KCTD5: variants seen among roughly 807,000 people sequenced by gnomAD.
KCTD5 encodes BTB/POZ domain-containing protein KCTD5.
A neutral mutation model predicts 27.9 loss-of-function variants in KCTD5; 12 were observed. The observed-to-expected ratio is 0.43, with a 90% CI of 0.28 to 0.70. The LOEUF (loss-of-function observed/expected upper bound fraction) is 0.70, where lower values mean the gene tolerates loss of function less well. Among genes scored for constraint, KCTD5 ranks in the 30% least tolerant of loss-of-function variants. The probability of loss-of-function intolerance (pLI) is 0.19; values close to 1 mark genes in which losing one functional copy is unlikely to be tolerated. For missense variants in KCTD5, 226 were observed against 274.8 expected, an observed-to-expected ratio of 0.82 and a Z score of 1.26; for synonymous variants, 147 against 121.4, an observed-to-expected ratio of 1.21 and a Z score of -1.39.
intron 5 of KCTD5, among the ~76,000 whole-genome samples, chr16:2,705,156 C>T (rs923445883): frequency 6.6e-6 from 1 of 152,238 alleles, no homozygotes; most frequent in Non-Finnish European, 1.5e-5. Flanking sequence ...GGACCAGGGG[C>T]ACCCAGGGAG....
At chr16:2,690,807 C>T (rs2067563120) in intron 1 of KCTD5, among the ~76,000 whole-genome samples, 1 of 152,268 alleles carries the variant, frequency 6.6e-6, no homozygotes, top group South Asian at 2.1e-4. Context: ...CTGTTCTAAA[C>T]CTCCCCGAGG....
intron 2 of KCTD5, among the ~76,000 whole-genome samples, chr16:2,696,894 T>C (rs1424075330): frequency 6.6e-6 from 1 of 152,252 alleles, no homozygotes; most frequent in Non-Finnish European, 1.5e-5. Context: ...CTCTCTCTGG[T>C]CGCTTGGGCA....
At position 2,708,706 on chromosome 16, in the gene KCTD5, A is replaced by C. The variant is rs1470499308; in HGVS notation, c.*1379A>C. On this transcript the variant is annotated 3_prime_UTR_variant, in exon 6 of 6. Coordinates refer to ENST00000301738, the MANE Select transcript of KCTD5 (RefSeq NM_018992.4). ...TTGTAAGGTCTCTTGTATGTTGTTAAATGTTTGGCTTAAACAATTTATAAA... is the reference window on the plus strand; with the variant it reads ...TTGTAAGGTCTCTTGTATGTTGTTACATGTTTGGCTTAAACAATTTATAAA... The C allele has an allele frequency of 6.6e-6, 1 of 152,190 alleles. No individual in the cohort carries two copies. Among genetic ancestry groups the C allele is most frequent in the Non-Finnish European group, 1.5e-5 (1 of 68,032 alleles). 9.4% of individuals were successfully genotyped at this position (152,190 alleles called of 1,614,324 possible).
chr16:2,705,564 G>A lies in KCTD5; in HGVS notation c.676-1734G>A, dbSNP rs183088896. On this transcript the variant is annotated intron_variant, in intron 5 of 5. Coordinates refer to ENST00000301738, the MANE Select transcript of KCTD5 (RefSeq NM_018992.4). ...AGGGCCAAGGGGTCAGGACCAGTGCGGCAGACAGCAGACCCCTATCTCAGC... is the reference window on the plus strand; with the variant it reads ...AGGGCCAAGGGGTCAGGACCAGTGCAGCAGACAGCAGACCCCTATCTCAGC... Among the ~76,000 whole-genome samples the A allele has an allele frequency of 2.6e-4, 40 of 152,244 alleles. No homozygotes were observed. The East Asian group carries it at 3.5e-3, about 13-fold the overall frequency.
chr16:2,682,626 C>G lies in KCTD5; in HGVS notation c.78C>G (p.Arg26=), dbSNP rs779415409. 1.9e-6 allele frequency: 3 copies of G among 1,562,198 alleles called. No homozygotes were observed. In the South Asian group the frequency reaches 3.5e-5, roughly 18 times the overall value. The part of the protein sequence containing the change: ...IGAGLGGGLC[R]RCSAGLGALA... ...CGGGGCTGGGGGGCGGCCTGTGCCG[C>G]CGCTGCAGCGCTGGGCTCGGCGCCC... Residue 26 remains arginine (R), a synonymous_variant, in exon 1 of 6, where the codon CGC becomes CGG. Transcript: ENST00000301738.
chr16:2,682,650 C>A lies in KCTD5; in HGVS notation c.102C>A (p.Ala34=). Residue 34 remains alanine, a synonymous_variant, in exon 1 of 6, where the codon GCC becomes GCA. Coordinates refer to ENST00000301738, the MANE Select transcript of KCTD5 (RefSeq NM_018992.4). ...GCCGCTGCAGCGCTGGGCTCGGCGC[C>A]CTGGCCCAGCGCCCTGGCAGCGTGT... The part of the protein sequence containing the change: ...LCRRCSAGLG[A]LAQRPGSVSK... 1.9e-6 allele frequency: 3 copies of A among 1,594,530 alleles called. No individual in the cohort carries two copies. The highest frequency in any genetic ancestry group is 2.6e-6 in the Non-Finnish European group (3 of 1,172,570).
intron 5 of KCTD5, among the ~76,000 whole-genome samples, chr16:2,704,790 G>T (rs2067627817): frequency 6.6e-6 from 1 of 152,210 alleles, no homozygotes; most frequent in African/African-American, 2.4e-5. Context: ...GGCCAATGCA[G>T]TGGGGTCCAC....
intron 4 of KCTD5, among the ~76,000 whole-genome samples, chr16:2,701,476 G>A (rs1484048842): frequency 1.3e-5 from 2 of 152,300 alleles, no homozygotes; most frequent in South Asian, 2.1e-4. Context: ...GGGCATGGCC[G>A]TGAGTGCTCC....
chr16:2,687,347 G>A (rs918926991), intron 1 of KCTD5, among the ~76,000 whole-genome samples: 6 of 152,190 alleles, frequency 3.9e-5, no homozygotes, highest in African/African-American at 1.4e-4. Context: ...CGCGGTCTTC[G>A]GCATTCTCGC....
In KCTD5 at chr16:2,698,396, T is replaced by C. The variant is rs72768746; in HGVS notation, c.453+399T>C. ...GGAGGGAGACAGCAGATGGGTCGTG[T>C]GGGTCTGCGCAGGCGCCAGAAGGAC... On this transcript the variant is annotated intron_variant, in intron 3 of 5. Coordinates refer to ENST00000301738, the MANE Select transcript of KCTD5 (RefSeq NM_018992.4). 3.2e-3 allele frequency among the ~76,000 whole-genome samples: 482 copies of C among 152,330 alleles called. 2 individuals carry two copies. The highest frequency in any genetic ancestry group is 5.5e-3 in the Non-Finnish European group (371 of 68,032).
rs377197615 is a variant in KCTD5 at position 2,702,496 on chromosome 16, C to T, written c.675+18C>T. 2 of 1,611,868 alleles carry T rather than the reference C, an allele frequency of 1.2e-6. No homozygotes were observed. The highest frequency in any genetic ancestry group is 1.7e-6 in the Non-Finnish European group (2 of 1,179,342). ...AGGCCAAGGTGAGTGCTGGGCCGGC[C>T]CTGGCCTGGGGCAGTCTTGGGTGGG... is the stretch of plus-strand genomic sequence containing the variant. On this transcript the variant is annotated intron_variant, in intron 5 of 5. Transcript: ENST00000301738.
At chr16:2,695,385 T>C (rs575291122) in intron 1 of KCTD5, among the ~76,000 whole-genome samples, 1,901 of 123,826 alleles carry the variant, frequency 0.015, 132 homozygotes, top group African/African-American at 0.047. Context: ...CCCTCGCTGC[T>C]GGCTCCCGGC....
At position 2,707,439 on chromosome 16, in the gene KCTD5, T is replaced by C; in HGVS notation, c.*112T>C. The stretch of plus-strand genomic sequence containing the variant: ...AGAAACCTGCTTTTGATCATTTTTC[T>C]AGAGATCTGGGTGTGAATCCTTTTT... On this transcript the variant is annotated 3_prime_UTR_variant, in exon 6 of 6. Coordinates refer to ENST00000301738, the MANE Select transcript of KCTD5 (RefSeq NM_018992.4). 1 of 1,134,172 alleles carries C rather than the reference T, an allele frequency of 8.8e-7. No homozygotes were observed. The highest frequency in any genetic ancestry group is 1.3e-6 in the Non-Finnish European group (1 of 746,548). The allele number at this position is 1,134,172 out of a possible 1,614,324, so 70.3% of individuals were successfully genotyped here.
Position 2,696,706 on chromosome 16 carries a change from G to A in KCTD5, c.361+663G>A, listed in dbSNP as rs561775191. On this transcript the variant is annotated intron_variant, in intron 2 of 5. Transcript: ENST00000301738. The stretch of plus-strand genomic sequence containing the variant: ...CGTGTCTGCGCATCGGTCTGCACTG[G>A]GCAGCGTCTGACTCCGTTTCTGTTC... 4.5e-4 allele frequency among the ~76,000 whole-genome samples: 69 copies of A among 152,326 alleles called. 1 individual carries two copies. In the South Asian group the frequency reaches 0.013, roughly 29 times the overall value.
At chr16:2,688,200 T>C (rs564014097) in intron 1 of KCTD5, among the ~76,000 whole-genome samples, 1 of 146,700 alleles carries the variant, frequency 6.8e-6, no homozygotes, top group South Asian at 2.1e-4. Context: ...TTGTACTTGG[T>C]TTTTATTATT....
rs1314399578 is a variant in KCTD5, at chr16:2,707,385, T to C, written c.*58T>C. 6.5e-7 allele frequency: 1 copy of C among 1,537,846 alleles called. No homozygotes were observed. Among genetic ancestry groups the C allele is most frequent in the South Asian group, 1.1e-5 (1 of 89,492 alleles). ...TACGTTTTCCCGAGATGTAATGAAC[T>C]GCCATGTCCAGGAAGCTTGGCTGTG... On this transcript the variant is annotated 3_prime_UTR_variant, in exon 6 of 6. Transcript: ENST00000301738.
Position 2,697,943 on chromosome 16 carries a change from A to T in KCTD5, c.399A>T (p.Ser133=), listed in dbSNP as rs201776425. 7 of 1,611,842 alleles carry T rather than the reference A, an allele frequency of 4.3e-6. No individual in the cohort carries two copies. Among genetic ancestry groups the T allele is most frequent in the Middle Eastern group, 3.3e-4 (2 of 6,058 alleles). Residue 133 remains serine (S), a synonymous_variant, in exon 3 of 6, where the codon TCA becomes TCT. Coordinates refer to ENST00000301738, the MANE Select transcript of KCTD5 (RefSeq NM_018992.4). Reference sequence around the variant, plus strand: ...AAGCAGAATTTTACAATATCACCTCATTAATAAAACTTGTAAAGGACAAAA... The same window carrying T: ...AAGCAGAATTTTACAATATCACCTCTTTAATAAAACTTGTAAAGGACAAAA... The part of the protein sequence containing the change: ...LEEAEFYNIT[S]LIKLVKDKIR...
In KCTD5 at chr16:2,691,535, C is replaced by T. The variant is rs545018955; in HGVS notation, c.253-4400C>T. Reference sequence around the variant, plus strand: ...TGTGGGGGCAGCTGCAGGCCCGGCGCGCCGAGTCCACGCAGCCTGGGTAGG... The same window carrying T: ...TGTGGGGGCAGCTGCAGGCCCGGCGTGCCGAGTCCACGCAGCCTGGGTAGG... On this transcript the variant is annotated intron_variant, in intron 1 of 5. Coordinates refer to ENST00000301738, the MANE Select transcript of KCTD5 (RefSeq NM_018992.4). Among the ~76,000 whole-genome samples the T allele has an allele frequency of 3.8e-3, 578 of 152,316 alleles. 3 individuals carry two copies. Among genetic ancestry groups the T allele is most frequent in the Middle Eastern group, 0.017 (5 of 294 alleles).
rs1254345778 is a variant in KCTD5 at position 2,699,975 on chromosome 16, T to TGGCTCAG, written c.549+67_549+73dup. On this transcript the variant is annotated intron_variant, in intron 4 of 5. Transcript: ENST00000301738. ...GCTGCAGCTGAACTTGTGCTCACAA[T>TGGCTCAG]GGCTCAGGGCTCAGTGCTCCTGGAA... The TGGCTCAG allele has an allele frequency of 4.1e-6, 6 of 1,478,776 alleles. No individual in the cohort carries two copies. The South Asian group carries it at 4.5e-5, about 11-fold the overall frequency. The allele number at this position is 1,478,776 out of a possible 1,614,324, so 91.6% of individuals were successfully genotyped here.
Sources: allele counts gnomAD v4.1 joint callset (sites outside exome capture counted in the v4.1 genomes callset), GRCh38; gene constraint gnomAD v4.1.1; transcripts MANE v1.5; gene names NCBI Gene and HGNC (gene_info 2026-07-23, HGNC 2026-07-21).